The following ZNF660 variants were observed in gnomAD, a reference collection of about 807,000 sequenced individuals.
ZNF660 encodes the protein zinc finger protein 660.
In ZNF660, 24 loss-of-function variants were observed where a neutral mutation model predicts 23.2. The observed-to-expected ratio is 1.04, with a 90% confidence interval of 0.75 to 1.46. The LOEUF (loss-of-function observed/expected upper bound fraction) is 1.46. Ranked by LOEUF, ZNF660 falls within the 40% of genes most tolerant of loss-of-function variation. The pLI, the probability that ZNF660 is intolerant of heterozygous loss-of-function variation, is 0.00. For missense variants in ZNF660, 373 were observed against 396.8 expected, an observed-to-expected ratio of 0.94 and a Z score of 0.51; for synonymous variants, 117 against 131.4, an observed-to-expected ratio of 0.89 and a Z score of 0.75.
intron 2 of ZNF660, among the ~76,000 whole-genome samples, chr3:44,592,976 C>G (rs1297204056): frequency 6.6e-6 from 1 of 151,918 alleles, no homozygotes; most frequent in Non-Finnish European, 1.5e-5. Context: ...CGGCGTGAAC[C>G]TGGGAGGCGG....
chr3:44,595,271 A>G lies in ZNF660; in HGVS notation c.*82A>G, dbSNP rs957338403. ...TAGTATCAACTTTAATTCTACTTCT[A>G]AGAATCATACTCTACTTCTAAGAAA... is the stretch of plus-strand genomic sequence containing the variant. On this transcript the variant is annotated 3_prime_UTR_variant, in exon 3 of 3. Coordinates refer to ENST00000322734, the MANE Select transcript of ZNF660 (RefSeq NM_173658.4). 4 of 1,416,000 alleles carry G rather than the reference A, an allele frequency of 2.8e-6. No homozygotes were observed. Among genetic ancestry groups the G allele is most frequent in the African/African-American group, 2.9e-5 (2 of 69,604 alleles). 87.7% of individuals were successfully genotyped at this position (1,416,000 alleles called of 1,614,324 possible). A position where few individuals can be genotyped will look rare whatever the true frequency, so the allele number is the denominator to read the frequency against.
chr3:44,592,970 G>A lies in ZNF660; in HGVS notation c.-180-1044G>A, dbSNP rs542838362. ...CGGGAGGCTGAAGCAGGAGAACGGC[G>A]TGAACCTGGGAGGCGGAGCTTGCAG... On this transcript the variant is annotated intron_variant, in intron 2 of 2. Transcript: ENST00000322734. Among the ~76,000 whole-genome samples the A allele has an allele frequency of 4.3e-4, 65 of 151,932 alleles. 1 individual carries two copies. The South Asian group carries it at 9.8e-3, about 23-fold the overall frequency.
chr3:44,587,819 T>C (rs1029422673), intron 2 of ZNF660, among the ~76,000 whole-genome samples: 1 of 152,184 alleles, frequency 6.6e-6, no homozygotes, highest in African/African-American at 2.4e-5. Context: ...TTTGGGAGGC[T>C]GAGGTGGGCG....
rs1371402311 is a variant in ZNF660, at chr3:44,596,109, T to C, written c.*920T>C. 2 of 166,320 alleles carry C rather than the reference T, an allele frequency of 1.2e-5. No homozygotes were observed. Among genetic ancestry groups the C allele is most frequent in the Non-Finnish European group, 2.9e-5 (2 of 68,122 alleles). 10.3% of individuals were successfully genotyped at this position (166,320 alleles called of 1,614,324 possible). On this transcript the variant is annotated 3_prime_UTR_variant, in exon 3 of 3. Transcript: ENST00000322734. ...CAACTGTAGACTCAAAAACTTCAGATACAGTCACCAGTTAATATAAAACTA... is the reference window on the plus strand; with the variant it reads ...CAACTGTAGACTCAAAAACTTCAGACACAGTCACCAGTTAATATAAAACTA...
At chr3:44,591,310 G>A (rs897541318) in intron 2 of ZNF660, among the ~76,000 whole-genome samples, 7 of 152,038 alleles carry the variant, frequency 4.6e-5, no homozygotes, top group Non-Finnish European at 8.8e-5. Context: ...TAAATTCTTT[G>A]TAGAGATGTA....
chr3:44,594,080 A>C lies in ZNF660; in HGVS notation c.-114A>C, dbSNP rs1027821939. On this transcript the variant is annotated 5_prime_UTR_variant, in exon 3 of 3. Coordinates refer to ENST00000322734, the MANE Select transcript of ZNF660 (RefSeq NM_173658.4). ...CATTCCTGAAAAATCAGAATCATAC[A>C]TACTTTCAAGAGAATTCCACAGAGA... The C allele has an allele frequency of 7.7e-7, 1 of 1,300,804 alleles. No homozygotes were observed. The highest frequency in any genetic ancestry group is 2.4e-5 in the East Asian group (1 of 41,440). 80.6% of individuals were successfully genotyped at this position (1,300,804 alleles called of 1,614,324 possible). A position where few individuals can be genotyped will look rare whatever the true frequency, so the allele number is the denominator to read the frequency against.
chr3:44,592,373 T>C (rs1700454318), intron 2 of ZNF660, among the ~76,000 whole-genome samples: 1 of 152,188 alleles, frequency 6.6e-6, no homozygotes, highest in Non-Finnish European at 1.5e-5. Context: ...AAAATACATA[T>C]GGGCAAGTCT....
At chr3:44,587,857 C>T (rs1700278494) in intron 2 of ZNF660, among the ~76,000 whole-genome samples, 1 of 152,096 alleles carries the variant, frequency 6.6e-6, no homozygotes, top group Admixed American at 6.6e-5. Context: ...AGTTTGAGAC[C>T]AGCCTGACCA....
rs1396454723 is a variant in ZNF660 at position 44,595,187 on chromosome 3, T to C, written c.994T>C (p.Ter332GlnextTer17). The change falls in exon 3 of 3, where the codon TAA (stop) becomes CAA (glutamine). Residue 332 changes from the stop codon to glutamine, a stop_lost. Coordinates refer to ENST00000322734, the MANE Select transcript of ZNF660 (RefSeq NM_173658.4). ...RKHNEEKETS[*>Q] Reference sequence around the variant, plus strand: ...ACATAATGAGGAGAAAGAAACCTCATAAATAACAAATATTGTGGGTAGTAG... The same window carrying C: ...ACATAATGAGGAGAAAGAAACCTCACAAATAACAAATATTGTGGGTAGTAG... The C allele has an allele frequency of 1.9e-6, 3 of 1,558,774 alleles. No homozygotes were observed. Among genetic ancestry groups the C allele is most frequent in the Admixed American group, 2.1e-5 (1 of 48,396 alleles).
chr3:44,594,475 T>G lies in ZNF660; in HGVS notation c.282T>G (p.Val94=). ...GKAFSHSSNL[V]VHRRIHTGLK... Reference sequence around the variant, plus strand: ...CTTTCAGTCATAGCTCTAACCTTGTTGTTCATCGGAGAATCCACACTGGAC... The same window carrying G: ...CTTTCAGTCATAGCTCTAACCTTGTGGTTCATCGGAGAATCCACACTGGAC... Residue 94 remains valine (V), a synonymous_variant, in exon 3 of 3, where the codon GTT becomes GTG. Transcript: ENST00000322734. 1 of 1,614,120 alleles carries G rather than the reference T, an allele frequency of 6.2e-7. No homozygotes were observed. The highest frequency in any genetic ancestry group is 8.5e-7 in the Non-Finnish European group (1 of 1,180,014).
At chr3:44,592,439 A>G (rs1443051563) in intron 2 of ZNF660, among the ~76,000 whole-genome samples, 1 of 152,208 alleles carries the variant, frequency 6.6e-6, no homozygotes, top group East Asian at 1.9e-4. Flanking sequence ...GCTTTCTTTT[A>G]CATCCCAACT....
At chr3:44,591,908 G>T (rs1485439569) in intron 2 of ZNF660, among the ~76,000 whole-genome samples, 3 of 152,200 alleles carry the variant, frequency 2.0e-5, no homozygotes, top group African/African-American at 7.2e-5. Flanking sequence ...GAGGCAGGGA[G>T]AATTGCTTGA....
intron 2 of ZNF660, among the ~76,000 whole-genome samples, chr3:44,588,803 C>T (rs1339538011): frequency 6.6e-6 from 1 of 152,154 alleles, no homozygotes; most frequent in African/African-American, 2.4e-5. Context: ...ATGACTCCCT[C>T]TGTCCTCTCT....
chr3:44,593,165 T>A (rs2125751869), intron 2 of ZNF660, among the ~76,000 whole-genome samples: 1 of 152,304 alleles, frequency 6.6e-6, no homozygotes, highest in African/African-American at 2.4e-5. Flanking sequence ...AGATAGGGTT[T>A]ACCTGCAAGG....
In ZNF660 at chr3:44,598,896, G is replaced by A. The variant is rs185427088; in HGVS notation, c.*3707G>A. 1.3e-5 allele frequency: 2 copies of A among 152,418 alleles called. No individual in the cohort carries two copies. Among genetic ancestry groups the A allele is most frequent in the African/African-American group, 4.8e-5 (2 of 41,572 alleles). The allele number at this position is 152,418 out of a possible 1,614,324, so 9.4% of individuals were successfully genotyped here. ...CACACGTAGTCCTAGGTACTCAGGAGGCTGAGGGGGGAGGATCACTTGAGC... is the reference window on the plus strand; with the variant it reads ...CACACGTAGTCCTAGGTACTCAGGAAGCTGAGGGGGGAGGATCACTTGAGC... On this transcript the variant is annotated 3_prime_UTR_variant, in exon 3 of 3. Coordinates refer to ENST00000322734, the MANE Select transcript of ZNF660 (RefSeq NM_173658.4).
chr3:44,588,066 A>T (rs1487073134), intron 2 of ZNF660, among the ~76,000 whole-genome samples: 1 of 151,944 alleles, frequency 6.6e-6, no homozygotes, highest in Non-Finnish European at 1.5e-5. Context: ...AGAAAAAAAG[A>T]AAGAAAGAAA....
At chr3:44,590,852 A>G in intron 2 of ZNF660, among the ~76,000 whole-genome samples, 1 of 152,110 alleles carries the variant, frequency 6.6e-6, no homozygotes, top group East Asian at 1.9e-4. Context: ...TTCATCCTTA[A>G]TGATTAGGAG....
At chr3:44,587,491 C>G (rs1700265984) in intron 2 of ZNF660, among the ~76,000 whole-genome samples, 1 of 152,188 alleles carries the variant, frequency 6.6e-6, no homozygotes, top group Admixed American at 6.5e-5. Flanking sequence ...ATGTTTCCCT[C>G]CAAACTTCTC....
At position 44,595,302 on chromosome 3, in the gene ZNF660, T is replaced by G; in HGVS notation, c.*113T>G. ...CATACTCTACTTCTAAGAAAATAAT[T>G]AGAAGTAGACAAAGATTAATGAAAG... On this transcript the variant is annotated 3_prime_UTR_variant, in exon 3 of 3. Coordinates refer to ENST00000322734, the MANE Select transcript of ZNF660 (RefSeq NM_173658.4). The G allele has an allele frequency of 8.1e-7, 1 of 1,230,190 alleles. No homozygotes were observed. The highest frequency in any genetic ancestry group is 1.1e-6 in the Non-Finnish European group (1 of 903,260). 76.2% of individuals were successfully genotyped at this position (1,230,190 alleles called of 1,614,324 possible).
Sources: gnomAD v4.1 joint callset for allele counts (sites outside exome capture counted in the v4.1 genomes callset) on GRCh38, gnomAD v4.1.1 for gene constraint, MANE v1.5 for transcripts, NCBI Gene and HGNC (gene_info 2026-07-23, HGNC 2026-07-21) for gene names.